Variants in KIF26B observed in about 807,000 individuals in gnomAD.
The protein encoded by KIF26B is kinesin-like protein KIF26B.
In KIF26B, 63 loss-of-function variants were observed where a neutral mutation model predicts 151.2. The ratio of observed to expected loss-of-function variants is 0.42; its 90% CI spans 0.34 to 0.51. The LOEUF is 0.51. Among genes scored for constraint, KIF26B ranks in the 20% least tolerant of loss-of-function variants. The probability of loss-of-function intolerance (pLI) is 0.07; values close to 1 mark genes in which losing one functional copy is unlikely to be tolerated. For synonymous variants in KIF26B, 1,357 were observed against 1,262.1 expected (o/e 1.08, Z -1.59); for missense variants, 2,813 against 2,913.6 (o/e 0.97, Z 0.79).
chr1:245,695,476 A>G (rs1008056285), intron 12 of KIF26B, among the ~76,000 whole-genome samples: 16 of 152,252 alleles, frequency 1.1e-4, no homozygotes, highest in Admixed American at 9.2e-4. Flanking sequence ...GTATCAATCC[A>G]TTCACGGGAT....
At chr1:245,634,535 G>A (rs926996166) in intron 9 of KIF26B, among the ~76,000 whole-genome samples, 1 of 152,068 alleles carries the variant, frequency 6.6e-6, no homozygotes, top group African/African-American at 2.4e-5. Flanking sequence ...TTTTTATCAG[G>A]AATGACTGAA....
rs114019313 is a variant in KIF26B, at chr1:245,695,111, G to C, written c.5825-2995G>C. 9.5e-3 allele frequency among the ~76,000 whole-genome samples: 1,452 copies of C among 152,294 alleles called. 16 individuals carry two copies. Among genetic ancestry groups the C allele is most frequent in the Middle Eastern group, 0.024 (7 of 294 alleles). ...AAGGAGGGGATCCCTGGCAGAGACC[G>C]GGCTTGGCAGAAAACTGGGCATCTG... On this transcript the variant is annotated intron_variant, in intron 12 of 14. Coordinates refer to ENST00000407071, the MANE Select transcript of KIF26B (RefSeq NM_018012.4).
chr1:245,474,113 T>C (rs1213895297), intron 4 of KIF26B, among the ~76,000 whole-genome samples: 2 of 146,332 alleles, frequency 1.4e-5, no homozygotes, highest in East Asian at 2.0e-4. Flanking sequence ...GTAGGTCCTT[T>C]TTTTTTTTTT....
chr1:245,303,334 G>A (rs1214194953), intron 2 of KIF26B, among the ~76,000 whole-genome samples: 3 of 150,998 alleles, frequency 2.0e-5, no homozygotes, highest in Admixed American at 6.6e-5. Context: ...GAGTAGCTGG[G>A]ACTACAGGTG....
rs67260242 is a variant in KIF26B, at chr1:245,416,292, A to AAAAGG, written c.1000-3284_1000-3283insGGAAA. The stretch of plus-strand genomic sequence containing the variant: ...CGAAACTCTGTCTCAAAAAAAAAAA[A>AAAAGG]AAAAAAAGAATCAAACAAAATAGAA... On this transcript the variant is annotated intron_variant, in intron 3 of 14. Transcript: ENST00000407071. Among the ~76,000 whole-genome samples the AAAAGG allele has an allele frequency of 4.9e-5, 7 of 142,956 alleles. No homozygotes were observed. The East Asian group carries it at 1.2e-3, about 24-fold the overall frequency. 93.8% of individuals were successfully genotyped at this position (142,956 alleles called of 152,430 possible).
intron 12 of KIF26B, among the ~76,000 whole-genome samples, chr1:245,695,570 C>T (rs2044682090): frequency 6.6e-6 from 1 of 152,176 alleles, no homozygotes; most frequent in Admixed American, 6.5e-5. Flanking sequence ...TATTCCTAGC[C>T]CCCAAACCAC....
Position 245,554,975 on chromosome 1 carries a change from G to A in KIF26B, c.1350+14025G>A, listed in dbSNP as rs190750842. Among the ~76,000 whole-genome samples the A allele has an allele frequency of 9.8e-5, 15 of 152,330 alleles. No homozygotes were observed. In the East Asian group the frequency reaches 2.1e-3, roughly 22 times the overall value. ...TTTCCTCTCTGTGCCAGGCTGAAGC[G>A]AGGGGCTTTGCTCAAGGTCGTATAG... is the stretch of plus-strand genomic sequence containing the variant. On this transcript the variant is annotated intron_variant, in intron 5 of 14. Transcript: ENST00000407071.
chr1:245,533,943 C>T (rs1466862315), intron 4 of KIF26B, among the ~76,000 whole-genome samples: 1 of 151,708 alleles, frequency 6.6e-6, no homozygotes, highest in African/African-American at 2.4e-5. Context: ...GAGCAAGTAA[C>T]CATCCTATGT....
chr1:245,206,433 G>A (rs1359856598), intron 2 of KIF26B: 2 of 152,238 alleles, frequency 1.3e-5, no homozygotes, highest in African/African-American at 2.4e-5. Context: ...AGTAGGGAAA[G>A]GGAGTGGGGA....
At chr1:245,293,871 C>A (rs1052816697) in intron 2 of KIF26B, among the ~76,000 whole-genome samples, 2 of 152,196 alleles carry the variant, frequency 1.3e-5, no homozygotes, top group Non-Finnish European at 1.5e-5. Context: ...AGCTACTGCA[C>A]CCAGCCGATT....
rs1029456358 is a variant in KIF26B at position 245,358,838 on chromosome 1, T to A, written c.466-7996T>A. Among the ~76,000 whole-genome samples the A allele has an allele frequency of 2.0e-5, 3 of 152,204 alleles. No homozygotes were observed. The highest frequency in any genetic ancestry group is 4.4e-5 in the Non-Finnish European group (3 of 68,044). On this transcript the variant is annotated intron_variant, in intron 2 of 14. Coordinates refer to ENST00000407071, the MANE Select transcript of KIF26B (RefSeq NM_018012.4). The surrounding 1 kb of genome is among the most constrained non-coding windows in gnomAD (Gnocchi z 4.1). ...GTATAGTTCAGCACTTTATTTTGTG[T>A]CATGTTGAACATGAACTTTAAAGTT...
chr1:245,666,855 C>A (rs1398861227), intron 10 of KIF26B, among the ~76,000 whole-genome samples: 1 of 152,130 alleles, frequency 6.6e-6, no homozygotes, highest in Non-Finnish European at 1.5e-5. Context: ...TAAGGATAGC[C>A]TGGGGGTGGT....
At chr1:245,407,887 G>A (rs1674174638) in intron 3 of KIF26B, among the ~76,000 whole-genome samples, 2 of 152,180 alleles carry the variant, frequency 1.3e-5, no homozygotes, top group Admixed American at 6.5e-5. Context: ...AAGACATGCT[G>A]TAGGCCCTGG....
chr1:245,389,734 A>G (rs781017130), intron 3 of KIF26B, among the ~76,000 whole-genome samples: 1 of 152,200 alleles, frequency 6.6e-6, no homozygotes, highest in Non-Finnish European at 1.5e-5. Context: ...TAGTTTTTAA[A>G]TTAAATGGTA....
chr1:245,198,315 C>T (rs1669227835), intron 2 of KIF26B, among the ~76,000 whole-genome samples: 1 of 152,192 alleles, frequency 6.6e-6, no homozygotes, highest in African/African-American at 2.4e-5. Flanking sequence ...TGTCTCTGGC[C>T]TCAATTTCCT....
At chr1:245,257,001 G>C (rs1175985783) in intron 2 of KIF26B, among the ~76,000 whole-genome samples, 6 of 152,160 alleles carry the variant, frequency 3.9e-5, no homozygotes. Flanking sequence ...TTTGAAGTCT[G>C]ATAAGAAACA....
At position 245,244,756 on chromosome 1, in the gene KIF26B, T is replaced by TCACA. The variant is rs55638619; in HGVS notation, c.465+88106_465+88109dup. The stretch of plus-strand genomic sequence containing the variant: ...AGAAGGAACACACAGACACGCACAC[T>TCACA]CACACACACACACACACACACACAC... On this transcript the variant is annotated intron_variant, in intron 2 of 14. Transcript: ENST00000407071. The surrounding 1 kb of genome is among the most constrained non-coding windows in gnomAD (Gnocchi z 4.2). Among the ~76,000 whole-genome samples, 8,902 of 144,302 alleles carry TCACA rather than the reference T, an allele frequency of 0.062. 276 individuals are homozygous for TCACA. The highest frequency in any genetic ancestry group is 0.14 in the East Asian group (670 of 4,812). The allele number at this position is 144,302 out of a possible 152,430, so 94.7% of individuals were successfully genotyped here.
intron 2 of KIF26B, among the ~76,000 whole-genome samples, chr1:245,328,225 A>C (rs912370595): frequency 7.3e-6 from 1 of 136,388 alleles, no homozygotes; most frequent in Non-Finnish European, 1.5e-5. Flanking sequence ...GCATGTCATT[A>C]TGGGGGAGTC....
intron 2 of KIF26B, among the ~76,000 whole-genome samples, chr1:245,256,464 G>C (rs1670538380): frequency 6.6e-6 from 1 of 152,224 alleles, no homozygotes; most frequent in Non-Finnish European, 1.5e-5. Flanking sequence ...TAGCCCTTGA[G>C]GGCTGCAGTG....
Sources: gnomAD v4.1 joint callset for allele counts (sites outside exome capture counted in the v4.1 genomes callset) on GRCh38, gnomAD v4.1.1 for gene constraint, Gnocchi (gnomAD v3.1) non-coding constraint, MANE v1.5 for transcripts, NCBI Gene and HGNC (gene_info 2026-07-23, HGNC 2026-07-21) for gene names.